The following LRP1B variants were observed in gnomAD, a reference collection of about 807,000 sequenced individuals.
LRP1B encodes low-density lipoprotein receptor-related protein 1B.
In LRP1B, 217 loss-of-function variants were observed where a neutral mutation model predicts 556.6. The ratio of observed to expected loss-of-function variants is 0.39; its 90% CI spans 0.35 to 0.44. The LOEUF is 0.44. Ranked by LOEUF, LRP1B falls within the 20% of genes least tolerant of loss-of-function variation. The probability of loss-of-function intolerance (pLI) is 1.00; values close to 1 mark genes in which losing one functional copy is unlikely to be tolerated. For missense variants in LRP1B, 5,053 were observed against 5,620.8 expected (o/e 0.90, Z 3.23); for synonymous variants, 2,047 against 1,865.8 (o/e 1.10, Z -2.50).
At chr2:140,990,249 C>G (rs911263470) in intron 16 of LRP1B, among the ~76,000 whole-genome samples, 1 of 151,894 alleles carries the variant, frequency 6.6e-6, no homozygotes, top group Non-Finnish European at 1.5e-5. Flanking sequence ...TTTTCTCATT[C>G]CTTAAACCAA....
chr2:141,417,230 G>A (rs780546962), intron 3 of LRP1B, among the ~76,000 whole-genome samples: 5 of 152,046 alleles, frequency 3.3e-5, no homozygotes, highest in Non-Finnish European at 7.4e-5. Flanking sequence ...TTTAATTATT[G>A]TGGTTAAAAA....
chr2:141,857,033 T>C (rs866688172), intron 1 of LRP1B, among the ~76,000 whole-genome samples: 12 of 152,042 alleles, frequency 7.9e-5, no homozygotes, highest in African/African-American at 2.7e-4. Flanking sequence ...CTAGATTAGA[T>C]AATTTGTGGG....
rs2104890415 is a variant in LRP1B, at chr2:140,501,669, C to T, written c.8850+18G>A. ...TTCTAATGTATCGTATGATTTGCTA[C>T]TTTTGATGAGTACCTACCTTATAAC... On this transcript the variant is annotated intron_variant, in intron 55 of 90. Transcript: ENST00000389484. 1 of 1,554,162 alleles carries T rather than the reference C, an allele frequency of 6.4e-7. No individual in the cohort carries two copies. The highest frequency in any genetic ancestry group is 8.7e-7 in the Non-Finnish European group (1 of 1,147,250).
At chr2:140,548,908 G>C (rs758796885) in intron 43 of LRP1B, among the ~76,000 whole-genome samples, 1 of 152,058 alleles carries the variant, frequency 6.6e-6, no homozygotes, top group Non-Finnish European at 1.5e-5. Context: ...CTGGGTGACA[G>C]AGCAAGACTC....
intron 3 of LRP1B, among the ~76,000 whole-genome samples, chr2:141,477,753 T>G (rs994643835): frequency 1.3e-5 from 2 of 152,122 alleles, no homozygotes; most frequent in Non-Finnish European, 2.9e-5. Context: ...CTATGTAGTG[T>G]GCAAGGCCAG....
At chr2:140,246,800 C>T (rs1246816823) in intron 87 of LRP1B, among the ~76,000 whole-genome samples, 2 of 151,446 alleles carry the variant, frequency 1.3e-5, no homozygotes, top group Non-Finnish European at 3.0e-5. Context: ...ACTTTTTCAG[C>T]TGATGAATAT....
chr2:141,711,553 G>T (rs191903491), intron 2 of LRP1B, among the ~76,000 whole-genome samples: 13 of 152,262 alleles, frequency 8.5e-5, no homozygotes, highest in African/African-American at 3.1e-4. Context: ...TTCCCTAGTT[G>T]CTGGTTTGAG....
At chr2:141,091,481 C>G (rs921457649) in intron 7 of LRP1B, among the ~76,000 whole-genome samples, 1 of 152,330 alleles carries the variant, frequency 6.6e-6, no homozygotes, top group African/African-American at 2.4e-5. Flanking sequence ...ACATCCTCTC[C>G]ACGTGCACAG....
intron 7 of LRP1B, among the ~76,000 whole-genome samples, chr2:141,079,103 T>G (rs1699862866): frequency 6.6e-6 from 1 of 152,202 alleles, no homozygotes; most frequent in Admixed American, 6.5e-5. Context: ...AAACCCACAC[T>G]TTCTTATAGT....
intron 60 of LRP1B, among the ~76,000 whole-genome samples, chr2:140,466,876 C>A (rs986352636): frequency 6.6e-6 from 1 of 152,174 alleles, no homozygotes; most frequent in African/African-American, 2.4e-5. Context: ...TACTACCTAC[C>A]TGCCTAAAAT....
chr2:142,037,385 G>A (rs962107948), intron 1 of LRP1B, among the ~76,000 whole-genome samples: 7 of 151,522 alleles, frequency 4.6e-5, no homozygotes, highest in Non-Finnish European at 8.9e-5. Context: ...GGACACAGCT[G>A]CAGACACACA....
intron 1 of LRP1B, among the ~76,000 whole-genome samples, chr2:141,865,170 T>C (rs13019219): frequency 0.19 from 28,473 of 152,114 alleles, 3,198 homozygotes; most frequent in Middle Eastern, 0.32. Flanking sequence ...GCATTTTTGT[T>C]TGTTTTTCTC....
Position 140,701,698 on chromosome 2 carries a change from T to C in LRP1B, c.6427+23A>G, listed in dbSNP as rs751212274. On this transcript the variant is annotated intron_variant, in intron 40 of 90. Coordinates refer to ENST00000389484, the MANE Select transcript of LRP1B (RefSeq NM_018557.3). ...GAAATCACATAAAATATACATATTA[T>C]GTATTCTTTCAAGAGTGCTGACCTT... The C allele has an allele frequency of 4.4e-6, 7 of 1,598,568 alleles. No individual in the cohort carries two copies. In the South Asian group the frequency reaches 7.9e-5, roughly 18 times the overall value.
chr2:140,354,924 C>A (rs893560522), intron 75 of LRP1B, among the ~76,000 whole-genome samples: 3 of 151,914 alleles, frequency 2.0e-5, no homozygotes, highest in African/African-American at 7.2e-5. Context: ...GTGAAGGGCA[C>A]AAACAAATTT....
intron 1 of LRP1B, among the ~76,000 whole-genome samples, chr2:141,957,674 G>C (rs1245103218): frequency 6.6e-6 from 1 of 151,858 alleles, no homozygotes; most frequent in African/African-American, 2.4e-5. Flanking sequence ...CAGATTACTG[G>C]CCCCTCACTT....
intron 7 of LRP1B, among the ~76,000 whole-genome samples, chr2:141,111,250 T>G (rs1350452723): frequency 6.6e-6 from 1 of 152,210 alleles, no homozygotes; most frequent in African/African-American, 2.4e-5. Context: ...GTTTATATAC[T>G]TAATGTATAC....
At chr2:140,323,305 C>T (rs1431939874) in intron 81 of LRP1B, among the ~76,000 whole-genome samples, 2 of 151,888 alleles carry the variant, frequency 1.3e-5, no homozygotes, top group Non-Finnish European at 2.9e-5. Flanking sequence ...CCACTCCTTT[C>T]TAGGAGGGAG....
chr2:140,872,480 T>G (rs1213533685), intron 25 of LRP1B, among the ~76,000 whole-genome samples: 1 of 151,432 alleles, frequency 6.6e-6, no homozygotes, highest in African/African-American at 2.4e-5. Context: ...TATTTATTTT[T>G]GTAATGAACT....
At chr2:140,351,067 ATAAAG>A in intron 76 of LRP1B, 29 bp from the exon 77 acceptor site, 1 of 1,412,188 alleles carries the variant, frequency 7.1e-7, no homozygotes, top group Non-Finnish European at 9.7e-7. Flanking sequence ...AAATACAAAA[ATAAAG>A]TAAATTTCAA....
Sources: gnomAD v4.1 joint callset for allele counts (sites outside exome capture counted in the v4.1 genomes callset) on GRCh38, gnomAD v4.1.1 for gene constraint, MANE v1.5 for transcripts, NCBI Gene and HGNC (gene_info 2026-07-23, HGNC 2026-07-21) for gene names.